ACSM2B: variants seen among roughly 807,000 people sequenced by gnomAD.
The protein encoded by ACSM2B is acyl-coenzyme A synthetase ACSM2B, mitochondrial.
In ACSM2B, 58 loss-of-function variants were observed where a neutral mutation model predicts 78.6. The ratio of observed to expected loss-of-function variants is 0.74; its 90% CI spans 0.60 to 0.92. The LOEUF is 0.92. Among genes scored for constraint, ACSM2B ranks in the 40% least tolerant of loss-of-function variants. ACSM2B has a pLI of 0.00. For synonymous variants in ACSM2B, 257 were observed against 256.8 expected (o/e 1.00, Z -0.01); for missense variants, 688 against 711.2 (o/e 0.97, Z 0.37).
chr16:20,561,917 T>C (rs1175542535), intron 2 of ACSM2B, among the ~76,000 whole-genome samples: 1 of 130,974 alleles, frequency 7.6e-6, no homozygotes, highest in Non-Finnish European at 1.6e-5. Context: ...CCTGTGTCCA[T>C]GTGTTCTCAT....
chr16:20,538,414 T>C (rs904594655), intron 13 of ACSM2B, among the ~76,000 whole-genome samples: 23 of 152,196 alleles, frequency 1.5e-4, no homozygotes, highest in African/African-American at 5.3e-4. Context: ...AGTTGAGTAG[T>C]TGCAACATAG....
At chr16:20,537,808 T>G (rs76413937) in intron 13 of ACSM2B, among the ~76,000 whole-genome samples, 5,776 of 152,292 alleles carry the variant, frequency 0.038, 241 homozygotes, top group East Asian at 0.19. Context: ...TGGTATGGAG[T>G]AACCACTGAA....
rs2014845041 is a variant in ACSM2B, at chr16:20,536,336, A to G, written c.*922T>C. 6.6e-6 allele frequency: 1 copy of G among 152,188 alleles called. No homozygotes were observed. The highest frequency in any genetic ancestry group is 2.1e-4 in the South Asian group (1 of 4,830). 9.4% of individuals were successfully genotyped at this position (152,188 alleles called of 1,614,324 possible). ...CAAAAACATGAGGTATGGGTAGCTG[A>G]TAACTTTGGCAGTGCTTACTTTGTT... On this transcript the variant is annotated 3_prime_UTR_variant, in exon 14 of 14. Transcript: ENST00000329697.
intron 9 of ACSM2B, among the ~76,000 whole-genome samples, chr16:20,545,817 A>G (rs1475423951): frequency 5.3e-5 from 8 of 152,228 alleles, no homozygotes; most frequent in Non-Finnish European, 1.0e-4. Context: ...GATATACAGA[A>G]CTATACACAT....
intron 2 of ACSM2B, among the ~76,000 whole-genome samples, chr16:20,561,857 CT>C (rs2015665907): frequency 9.6e-6 from 1 of 103,640 alleles, no homozygotes; most frequent in South Asian, 4.5e-4. Context: ...AATGTTATCC[CT>C]CCCCCCTCCC....
intron 1 of ACSM2B, among the ~76,000 whole-genome samples, chr16:20,570,592 G>T (rs1387195072): frequency 2.0e-5 from 3 of 151,824 alleles, no homozygotes; most frequent in African/African-American, 7.2e-5. Context: ...ATTTAGGGAG[G>T]ATTCCCTCTT....
chr16:20,559,562 C>T lies in ACSM2B; in HGVS notation c.178-115G>A, dbSNP rs2015584761. The T allele has an allele frequency of 2.9e-6, 4 of 1,381,158 alleles. No homozygotes were observed. In the South Asian group the frequency reaches 6.0e-5, roughly 21 times the overall value. The allele number at this position is 1,381,158 out of a possible 1,614,324, so 85.6% of individuals were successfully genotyped here. On this transcript the variant is annotated intron_variant, in intron 2 of 13. Coordinates refer to ENST00000329697, the MANE Select transcript of ACSM2B (RefSeq NM_001105069.2). ...TTAGTAAGGTTTTTTATCTCAGCAC[C>T]TCCATACAATCATAAAAAGTATTGA... is the stretch of plus-strand genomic sequence containing the variant.
intron 1 of ACSM2B, among the ~76,000 whole-genome samples, chr16:20,572,894 G>A (rs1341435217): frequency 6.7e-6 from 1 of 150,132 alleles, no homozygotes; most frequent in East Asian, 2.0e-4. Context: ...GTTTTTCTCT[G>A]TGTTCTTTAT....
At position 20,570,771 on chromosome 16, in the gene ACSM2B, G is replaced by T. The variant is rs1394396054; in HGVS notation, c.-9+5436C>A. Among the ~76,000 whole-genome samples, 7 of 151,756 alleles carry T rather than the reference G, an allele frequency of 4.6e-5. No homozygotes were observed. In the East Asian group the frequency reaches 1.2e-3, roughly 25 times the overall value. On this transcript the variant is annotated intron_variant, in intron 1 of 13. Coordinates refer to ENST00000329697, the MANE Select transcript of ACSM2B (RefSeq NM_001105069.2). ...CGCTGCTTGTTATTGGTCTGTTCAG[G>T]CTTTCTAATTCTTCCTGATTTAAGC... is the stretch of plus-strand genomic sequence containing the variant.
At position 20,537,326 on chromosome 16, in the gene ACSM2B, C is replaced by T; in HGVS notation, c.1666G>A (p.Gly556Arg). Residue 556 changes from glycine to arginine, a missense_variant, in exon 14 of 14, where the codon GGG (glycine) becomes AGG (arginine). Transcript: ENST00000329697. ...FVLNLPKTVT[G>R]KIQRTKLRDK... ...CGAAGTTTGGTTCGTTGAATTTTCCCTGTGACAGTCTTGGGCAGGTTCAAG... is the reference window on the plus strand; with the variant it reads ...CGAAGTTTGGTTCGTTGAATTTTCCTTGTGACAGTCTTGGGCAGGTTCAAG... 1 of 1,614,032 alleles carries T rather than the reference C, an allele frequency of 6.2e-7. No homozygotes were observed. Among genetic ancestry groups the T allele is most frequent in the Non-Finnish European group, 8.5e-7 (1 of 1,179,914 alleles).
intron 1 of ACSM2B, among the ~76,000 whole-genome samples, chr16:20,568,349 T>C (rs2015993494): frequency 6.9e-6 from 1 of 145,706 alleles, no homozygotes; most frequent in African/African-American, 2.5e-5. Context: ...TAATATATCA[T>C]ATATCATATA....
At chr16:20,537,932 T>C (rs2014888568) in intron 13 of ACSM2B, among the ~76,000 whole-genome samples, 2 of 152,160 alleles carry the variant, frequency 1.3e-5, no homozygotes, top group Admixed American at 6.6e-5. Context: ...CCTATCAATG[T>C]ACCCTAAGCA....
At chr16:20,569,714 G>A (rs1213920337) in intron 1 of ACSM2B, among the ~76,000 whole-genome samples, 1 of 151,928 alleles carries the variant, frequency 6.6e-6, no homozygotes, top group Non-Finnish European at 1.5e-5. Flanking sequence ...AGCATAGGAT[G>A]TGTTCCCATT....
intron 1 of ACSM2B, among the ~76,000 whole-genome samples, chr16:20,565,628 G>A (rs1238055842): frequency 1.3e-5 from 2 of 152,066 alleles, no homozygotes; most frequent in Non-Finnish European, 2.9e-5. Flanking sequence ...TCCATCTAGT[G>A]CACAGGACCT....
chr16:20,538,804 G>T (rs144374896), intron 13 of ACSM2B, among the ~76,000 whole-genome samples: 134 of 152,248 alleles, frequency 8.8e-4, no homozygotes, highest in African/African-American at 3.2e-3. Context: ...AAGTGGTGGA[G>T]GTGAATGTTG....
At chr16:20,544,149 T>G (rs532859500) in intron 10 of ACSM2B, among the ~76,000 whole-genome samples, 77 of 152,300 alleles carry the variant, frequency 5.1e-4, no homozygotes, top group Non-Finnish European at 7.8e-4. Context: ...TTTGAGAATA[T>G]AGTGGGACCT....
chr16:20,537,269 G>A lies in ACSM2B; in HGVS notation c.1723C>T (p.Arg575Cys), dbSNP rs150835748. ...GTCTCCTAGACGCCTCACTGCGCAC[G>A]GGCTTTTCCGGACATCTTCCACTCC... ...DKEWKMSGKA[R>C]AQ The change falls in exon 14 of 14, where the codon CGT becomes TGT. Residue 575 changes from arginine (R) to cysteine (C), a missense_variant. Arg to Cys is a radical substitution (Grantham distance 180). Coordinates refer to ENST00000329697, the MANE Select transcript of ACSM2B (RefSeq NM_001105069.2). 3.0e-5 allele frequency: 49 copies of A among 1,614,026 alleles called. No homozygotes were observed. Among genetic ancestry groups the A allele is most frequent in the Admixed American group, 1.0e-4 (6 of 60,022 alleles).
chr16:20,573,226 C>T (rs568846459), intron 1 of ACSM2B, among the ~76,000 whole-genome samples: 2 of 151,936 alleles, frequency 1.3e-5, no homozygotes, highest in South Asian at 2.1e-4. Context: ...GGGCTCAAGG[C>T]TACTGTTCAG....
chr16:20,551,885 A>T (rs1339745193), intron 6 of ACSM2B, among the ~76,000 whole-genome samples: 1 of 152,126 alleles, frequency 6.6e-6, no homozygotes, highest in Non-Finnish European at 1.5e-5. Context: ...AGAGCCCATT[A>T]CATTTGTTGA....
Sources: allele counts gnomAD v4.1 joint callset (sites outside exome capture counted in the v4.1 genomes callset), GRCh38; gene constraint gnomAD v4.1.1; transcripts MANE v1.5; gene names NCBI Gene and HGNC (gene_info 2026-07-23, HGNC 2026-07-21).